Variants in ADAMTS2 observed in about 807,000 individuals in gnomAD.
ADAMTS2 encodes ADAM metallopeptidase with thrombospondin type 1 motif 2.
In ADAMTS2, 50 loss-of-function variants were observed where a neutral mutation model predicts 123.0. That is an observed-to-expected ratio of 0.41 (90% confidence interval 0.32 to 0.51). The LOEUF is 0.51. Among genes scored for constraint, ADAMTS2 ranks in the 20% least tolerant of loss-of-function variants. The pLI is 0.35. For synonymous variants in ADAMTS2, 678 were observed against 695.4 expected (o/e 0.98, Z 0.39); for missense variants, 1,494 against 1,705.2 (o/e 0.88, Z 2.18).
chr5:179,166,009 CCT>C (rs1035416723), intron 5 of ADAMTS2, among the ~76,000 whole-genome samples: 9 of 152,186 alleles, frequency 5.9e-5, no homozygotes, highest in African/African-American at 1.9e-4. Context: ...CTCTGCCACC[CCT>C]GTTTGGAGGT....
intron 3 of ADAMTS2, among the ~76,000 whole-genome samples, chr5:179,215,029 T>A (rs463455): frequency 6.6e-6 from 1 of 151,870 alleles, no homozygotes; most frequent in African/African-American, 2.4e-5. Context: ...AGAAAAATAA[T>A]GAAAAAGAAT....
chr5:179,143,328 G>A, intron 10 of ADAMTS2, among the ~76,000 whole-genome samples: 1 of 151,940 alleles, frequency 6.6e-6, no homozygotes, highest in East Asian at 1.9e-4. Flanking sequence ...CAGCTACTCG[G>A]AGGCTGAGAC....
rs906362885 is a variant in ADAMTS2, at chr5:179,125,983, G to A, written c.2750+15C>T. The stretch of plus-strand genomic sequence containing the variant: ...CCTGTCTCCTCTAGTGGGAGCCCGA[G>A]CTGGGGGCACTCACACTGGCTGGGA... On this transcript the variant is annotated intron_variant, in intron 18 of 21. Transcript: ENST00000251582. 2.5e-6 allele frequency: 4 copies of A among 1,613,340 alleles called. No individual in the cohort carries two copies. The highest frequency in any genetic ancestry group is 1.3e-5 in the African/African-American group (1 of 75,078).
intron 4 of ADAMTS2, among the ~76,000 whole-genome samples, chr5:179,187,990 C>A (rs939089465): frequency 3.3e-5 from 5 of 151,748 alleles, no homozygotes; most frequent in African/African-American, 7.3e-5. Flanking sequence ...AGGTGGCCTG[C>A]GGCTGCTGGG....
Position 179,166,491 on chromosome 5 carries a change from G to A in ADAMTS2, c.976-7612C>T, listed in dbSNP as rs570951960. ...GAGGCTTGGCCAGGGCAAGGGTGAG[G>A]AAACACTGCGGGCCCCTGAACCTCA... is the stretch of plus-strand genomic sequence containing the variant. On this transcript the variant is annotated intron_variant, in intron 5 of 21. Coordinates refer to ENST00000251582, the MANE Select transcript of ADAMTS2 (RefSeq NM_014244.5). Among the ~76,000 whole-genome samples the A allele has an allele frequency of 1.9e-3, 296 of 152,294 alleles. 1 individual carries two copies. The highest frequency in any genetic ancestry group is 6.9e-3 in the African/African-American group (285 of 41,576).
intron 11 of ADAMTS2, among the ~76,000 whole-genome samples, chr5:179,138,661 G>A (rs2113220440): frequency 6.6e-6 from 1 of 152,372 alleles, no homozygotes; most frequent in African/African-American, 2.4e-5. Flanking sequence ...TGGCCGGGAG[G>A]GCAGCCTGGA....
At chr5:179,329,260 G>A (rs190354596) in intron 2 of ADAMTS2, among the ~76,000 whole-genome samples, 132 of 150,846 alleles carry the variant, frequency 8.8e-4, no homozygotes, top group Middle Eastern at 6.8e-3. Context: ...CCAGGAGGCA[G>A]AGCTTGCAGT....
At chr5:179,123,915 C>CT (rs1762806945) in intron 19 of ADAMTS2, among the ~76,000 whole-genome samples, 1 of 152,200 alleles carries the variant, frequency 6.6e-6, no homozygotes, top group African/African-American at 2.4e-5. Context: ...GAGGTCACAC[C>CT]TATGTAGCTG....
intron 2 of ADAMTS2, among the ~76,000 whole-genome samples, chr5:179,275,412 G>A (rs1041913809): frequency 6.6e-6 from 1 of 152,118 alleles, no homozygotes; most frequent in African/African-American, 2.4e-5. Flanking sequence ...TGAAGAACCG[G>A]CCCCCAAAGT....
intron 2 of ADAMTS2, among the ~76,000 whole-genome samples, chr5:179,338,513 G>C (rs1451094745): frequency 1.3e-5 from 2 of 152,164 alleles, no homozygotes; most frequent in African/African-American, 4.8e-5. Flanking sequence ...GCAGGGGAGG[G>C]AGTCATTGCC....
At chr5:179,176,911 CA>C (rs1162145740) in intron 5 of ADAMTS2, among the ~76,000 whole-genome samples, 12 of 151,400 alleles carry the variant, frequency 7.9e-5, no homozygotes, top group South Asian at 6.3e-4. Flanking sequence ...CCTATGAACT[CA>C]GAGCATCTCT....
intron 2 of ADAMTS2, among the ~76,000 whole-genome samples, chr5:179,324,540 G>A (rs911028185): frequency 5.9e-5 from 9 of 152,028 alleles, no homozygotes; most frequent in African/African-American, 2.2e-4. Flanking sequence ...ACAGATGCCC[G>A]CCACCACGCC....
chr5:179,264,676 C>T (rs75105657), intron 3 of ADAMTS2, among the ~76,000 whole-genome samples: 4,897 of 152,298 alleles, frequency 0.032, 111 homozygotes, highest in Middle Eastern at 0.11. Flanking sequence ...TGGAAGATGG[C>T]GAGGCAGAGG....
chr5:179,129,275 G>A lies in ADAMTS2; in HGVS notation c.2457+657C>T, dbSNP rs1321505988. Among the ~76,000 whole-genome samples the A allele has an allele frequency of 6.6e-6, 1 of 152,184 alleles. No individual in the cohort carries two copies. Among genetic ancestry groups the A allele is most frequent in the Non-Finnish European group, 1.5e-5 (1 of 68,036 alleles). On this transcript the variant is annotated intron_variant, in intron 16 of 21. Transcript: ENST00000251582. The surrounding 1 kb of genome is among the most constrained non-coding windows in gnomAD (Gnocchi z 4.1). Reference sequence around the variant, plus strand: ...GGCTCACTGCTGCACCTGCTTACAGGTGCACCCACGTGTGGAGCGCTGGGG... The same window carrying A: ...GGCTCACTGCTGCACCTGCTTACAGATGCACCCACGTGTGGAGCGCTGGGG...
Position 179,189,629 on chromosome 5 carries a change from T to C in ADAMTS2, c.892-8474A>G, listed in dbSNP as rs1378766803. ...GCCTCGGCCTCCCAAAGTGCTGGGA[T>C]TACAGGCGTGAGCCACCGCGCCCGG... On this transcript the variant is annotated intron_variant, in intron 4 of 21. Coordinates refer to ENST00000251582, the MANE Select transcript of ADAMTS2 (RefSeq NM_014244.5). The surrounding 1 kb of genome is among the most constrained non-coding windows in gnomAD (Gnocchi z 4.2). Among the ~76,000 whole-genome samples, 1 of 149,198 alleles carries C rather than the reference T, an allele frequency of 6.7e-6. No individual in the cohort carries two copies. The highest frequency in any genetic ancestry group is 1.5e-5 in the Non-Finnish European group (1 of 67,574).
At chr5:179,291,070 C>A (rs1450590379) in intron 2 of ADAMTS2, among the ~76,000 whole-genome samples, 1 of 152,176 alleles carries the variant, frequency 6.6e-6, no homozygotes, top group Admixed American at 6.5e-5. Context: ...GCTTGATGAG[C>A]GAGCCACCCT....
intron 4 of ADAMTS2, among the ~76,000 whole-genome samples, chr5:179,190,694 G>A (rs11249616): frequency 0.25 from 37,538 of 152,210 alleles, 5,467 homozygotes; most frequent in African/African-American, 0.4. Context: ...ACGGACATGC[G>A]TGACAAAAGT....
chr5:179,213,230 A>C (rs1764901691), intron 3 of ADAMTS2, among the ~76,000 whole-genome samples: 1 of 152,120 alleles, frequency 6.6e-6, no homozygotes, highest in Non-Finnish European at 1.5e-5. Flanking sequence ...GTCAGCTCCT[A>C]AGGGAGAACT....
At chr5:179,300,860 C>G (rs1033445158) in intron 2 of ADAMTS2, among the ~76,000 whole-genome samples, 1 of 152,200 alleles carries the variant, frequency 6.6e-6, no homozygotes, top group Non-Finnish European at 1.5e-5. Flanking sequence ...ACAGATAAAC[C>G]GTTATGGCTC....
Sources: allele counts gnomAD v4.1 joint callset (sites outside exome capture counted in the v4.1 genomes callset), GRCh38; gene constraint gnomAD v4.1.1; non-coding constraint Gnocchi (gnomAD v3.1); transcripts MANE v1.5; gene names NCBI Gene and HGNC (gene_info 2026-07-23, HGNC 2026-07-21).